The following DACT1 variants were observed in gnomAD, a reference collection of about 807,000 sequenced individuals.
DACT1 encodes dishevelled binding antagonist of beta catenin 1, also known as dapper homolog 1.
In DACT1, 19 loss-of-function variants were observed where a neutral mutation model predicts 35.3. That is an observed-to-expected ratio of 0.54 (90% CI 0.38 to 0.79). DACT1 has a LOEUF of 0.79. Ranked by LOEUF, DACT1 falls within the 30% of genes least tolerant of loss-of-function variation. The probability of loss-of-function intolerance (pLI) is 0.00; values close to 1 mark genes in which losing one functional copy is unlikely to be tolerated. For missense variants in DACT1, 1,143 were observed against 1,057.5 expected (o/e 1.08, Z -1.12); for synonymous variants, 545 against 466.7 (o/e 1.17, Z -2.16).
upstream of DACT1, among the ~76,000 whole-genome samples, chr14:58,636,035 G>C (rs1595593614): frequency 6.6e-6 from 1 of 152,124 alleles, no homozygotes; most frequent in African/African-American, 2.4e-5. Context: ...GTAGTGTTTG[G>C]CAACAGCAGG....
At chr14:58,637,306 C>A (rs1228374906), upstream of DACT1, among the ~76,000 whole-genome samples, 1 of 152,258 alleles carries the variant, frequency 6.6e-6, no homozygotes, top group African/African-American at 2.4e-5. Flanking sequence ...ACGACATCCT[C>A]CTGCCTAATT....
chr14:58,638,770 C>A (rs1216705005), intron 1 of DACT1: 2 of 1,191,142 alleles, frequency 1.7e-6, no homozygotes, highest in Non-Finnish European at 2.1e-6. Context: ...TTGTGTCTGG[C>A]GACCTCGCGC....
At position 58,641,710 on chromosome 14, in the gene DACT1, G is replaced by A. The variant is rs181833601; in HGVS notation, c.597G>A (p.Ala199=). The change falls in exon 3 of 4, where the codon GCG becomes GCA. Residue 199 remains alanine (A), a synonymous_variant. Coordinates refer to ENST00000395153, the MANE Select transcript of DACT1 (RefSeq NM_001079520.2). ...SSTCFCSPLE[A]TLSLSDGCPK... ...CCTGCTTTTGCAGCCCCTTGGAGGC[G>A]ACCTTGAGTCTCTCAGATGGTTGCC... The A allele has an allele frequency of 3.2e-5, 51 of 1,614,110 alleles. No homozygotes were observed. The Middle Eastern group carries it at 4.9e-4, about 16-fold the overall frequency.
At chr14:58,640,166 A>G (rs1187809571) in intron 1 of DACT1, among the ~76,000 whole-genome samples, 1 of 152,208 alleles carries the variant, frequency 6.6e-6, no homozygotes, top group Non-Finnish European at 1.5e-5. Flanking sequence ...GGGCCTTCCC[A>G]TGAGGGTTTT....
intron 2 of DACT1, 84 bp from the exon 3 acceptor site, chr14:58,641,508 A>G: frequency 6.9e-7 from 1 of 1,449,106 alleles, no homozygotes; most frequent in South Asian, 1.3e-5. Flanking sequence ...TCCTTTTCCT[A>G]AATGATTATT....
In DACT1 at chr14:58,645,315, C is replaced by T. The variant is rs773303953; in HGVS notation, c.635-54C>T. ...CACTGTGAAGACCAGGCCTCAGGGG[C>T]AGTTTGCCGTTCCCTCTCCACACCA... is the stretch of plus-strand genomic sequence containing the variant. On this transcript the variant is annotated intron_variant, in intron 3 of 3. Coordinates refer to ENST00000395153, the MANE Select transcript of DACT1 (RefSeq NM_001079520.2). 1.1e-5 allele frequency: 17 copies of T among 1,614,182 alleles called. No homozygotes were observed. The highest frequency in any genetic ancestry group is 1.3e-5 in the Non-Finnish European group (15 of 1,180,038).
At chr14:58,643,740 C>CT (rs1456810593) in intron 3 of DACT1, among the ~76,000 whole-genome samples, 1 of 152,122 alleles carries the variant, frequency 6.6e-6, no homozygotes, top group Non-Finnish European at 1.5e-5. Context: ...TTGTTCAACT[C>CT]TAAAGAGGGA....
intron 1 of DACT1, among the ~76,000 whole-genome samples, chr14:58,640,449 T>C (rs2047616064): frequency 6.6e-6 from 1 of 152,236 alleles, no homozygotes; most frequent in Admixed American, 6.5e-5. Flanking sequence ...CCATTTTTCT[T>C]GTCCCTATCT....
chr14:58,638,669 C>G, intron 1 of DACT1, 122 bp downstream of exon 1: 1 of 1,215,182 alleles, frequency 8.2e-7, no homozygotes, highest in Non-Finnish European at 1.0e-6. Flanking sequence ...TATGGGACGC[C>G]CCCGACCGCC....
chr14:58,635,515 A>G (rs549595461), upstream of DACT1, among the ~76,000 whole-genome samples: 4 of 152,334 alleles, frequency 2.6e-5, 1 homozygote, highest in Admixed American at 6.5e-5. Flanking sequence ...GATACTTTGG[A>G]AAGCATAACC....
chr14:58,641,829 TC>T, intron 3 of DACT1, 82 bp downstream of exon 3: 1 of 1,355,902 alleles, frequency 7.4e-7, no homozygotes, highest in Admixed American at 2.1e-5. Flanking sequence ...CCAGCACCTT[TC>T]ACTGGTGGAA....
rs929824241 is a variant in DACT1, at chr14:58,647,876, C to T, written c.*742C>T. On this transcript the variant is annotated 3_prime_UTR_variant, in exon 4 of 4. Transcript: ENST00000395153. Reference sequence around the variant, plus strand: ...TTTGTAGCCAGTCCAACCTTTCATTCCTTGGAGGATTTAGTTTTGGGATAA... The same window carrying T: ...TTTGTAGCCAGTCCAACCTTTCATTTCTTGGAGGATTTAGTTTTGGGATAA... The T allele has an allele frequency of 2.4e-5, 4 of 167,048 alleles. No homozygotes were observed. Among genetic ancestry groups the T allele is most frequent in the African/African-American group, 9.7e-5 (4 of 41,422 alleles). 10.3% of individuals were successfully genotyped at this position (167,048 alleles called of 1,614,324 possible). A position where few individuals can be genotyped will look rare whatever the true frequency, so the allele number is the denominator to read the frequency against.
rs773256045 is a variant in DACT1, at chr14:58,646,710, G to C, written c.1976G>C (p.Arg659Pro). 1 of 1,613,298 alleles carries C rather than the reference G, an allele frequency of 6.2e-7. No individual in the cohort carries two copies. Among genetic ancestry groups the C allele is most frequent in the Non-Finnish European group, 8.5e-7 (1 of 1,179,938 alleles). Residue 659 changes from arginine (R) to proline (P), a missense_variant, in exon 4 of 4, where the codon CGC (arginine) becomes CCC (proline). Arg to Pro is a moderately radical substitution (Grantham distance 103). Transcript: ENST00000395153. Reference sequence around the variant, plus strand: ...GAAGAGGCCCTGAGGAGGGCCCGGCGCGGTCGCCGGGAGAATGTGGGGCTG... The same window carrying C: ...GAAGAGGCCCTGAGGAGGGCCCGGCCCGGTCGCCGGGAGAATGTGGGGCTG... ...SYEEALRRAR[R>P]GRRENVGLYP... is the part of the protein sequence containing the mutation.
At chr14:58,640,285 A>G (rs2140213158) in intron 1 of DACT1, among the ~76,000 whole-genome samples, 1 of 152,336 alleles carries the variant, frequency 6.6e-6, no homozygotes, top group East Asian at 1.9e-4. Flanking sequence ...TAGAAAACAA[A>G]ACTCTGCAGG....
At chr14:58,643,174 G>T (rs1001957164) in intron 3 of DACT1, among the ~76,000 whole-genome samples, 2 of 152,190 alleles carry the variant, frequency 1.3e-5, no homozygotes, top group African/African-American at 4.8e-5. Context: ...AGAAATTGTT[G>T]TTTTCAACCT....
chr14:58,647,153 A>C lies in DACT1; in HGVS notation c.*19A>C. On this transcript the variant is annotated 3_prime_UTR_variant, in exon 4 of 4. Transcript: ENST00000395153. ...GGTTTGAGTGACATCATTGGTGTAG[A>C]AAGTTTGTGTGTTTTTTTTTCTTCT... 1 of 1,596,276 alleles carries C rather than the reference A, an allele frequency of 6.3e-7. No homozygotes were observed. The highest frequency in any genetic ancestry group is 1.2e-5 in the South Asian group (1 of 86,226).
chr14:58,638,032 A>T lies in DACT1; in HGVS notation c.-171A>T, dbSNP rs1406701090. 13 of 589,346 alleles carry T rather than the reference A, an allele frequency of 2.2e-5. No homozygotes were observed. The highest frequency in any genetic ancestry group is 3.1e-5 in the Non-Finnish European group (13 of 420,404). The allele number at this position is 589,346 out of a possible 1,614,324, so 36.5% of individuals were successfully genotyped here. ...ACGGCGCTGCCCGGGCCGGGACAGC[A>T]GCAGCCGGCGGTCGCGCGCAGGACT... On this transcript the variant is annotated 5_prime_UTR_variant, in exon 1 of 4. Transcript: ENST00000395153.
At position 58,647,685 on chromosome 14, in the gene DACT1, C is replaced by G. The variant is rs2047707272; in HGVS notation, c.*551C>G. 6.0e-6 allele frequency: 1 copy of G among 167,396 alleles called. No homozygotes were observed. Among genetic ancestry groups the G allele is most frequent in the Non-Finnish European group, 1.5e-5 (1 of 68,510 alleles). 10.4% of individuals were successfully genotyped at this position (167,396 alleles called of 1,614,324 possible). A position where few individuals can be genotyped will look rare whatever the true frequency, so the allele number is the denominator to read the frequency against. ...TTTTATTCTCAGAACTGTTACTAGA[C>G]TCATGACTTGGAGGCCAAACCTTAA... On this transcript the variant is annotated 3_prime_UTR_variant, in exon 4 of 4. Coordinates refer to ENST00000395153, the MANE Select transcript of DACT1 (RefSeq NM_001079520.2).
In DACT1 at chr14:58,638,247, G is replaced by A. The variant is rs1002691304; in HGVS notation, c.45G>A (p.Pro15=). The A allele has an allele frequency of 1.5e-5, 21 of 1,365,338 alleles. No homozygotes were observed. The highest frequency in any genetic ancestry group is 1.9e-5 in the Non-Finnish European group (20 of 1,059,586). 84.6% of individuals were successfully genotyped at this position (1,365,338 alleles called of 1,614,324 possible). A position where few individuals can be genotyped will look rare whatever the true frequency, so the allele number is the denominator to read the frequency against. ...GGACGGCGAAGGAGCTGGAGCCTCC[G>A]GCGCCGGCCCGAGGCGAGCAGCGCA... ...PAGTAKELEP[P]APARGEQRTA... The change falls in exon 1 of 4, where the codon CCG becomes CCA. Residue 15 remains proline (P), a synonymous_variant. Transcript: ENST00000395153.
Sources: allele counts gnomAD v4.1 joint callset (sites outside exome capture counted in the v4.1 genomes callset), GRCh38; gene constraint gnomAD v4.1.1; transcripts MANE v1.5; gene names NCBI Gene and HGNC (gene_info 2026-07-23, HGNC 2026-07-21).